Variants in ZBTB20 observed in about 807,000 individuals in gnomAD.
ZBTB20 encodes the protein zinc finger and BTB domain-containing protein 20.
In ZBTB20, 9 loss-of-function variants were observed where a neutral mutation model predicts 56.9. The observed-to-expected ratio is 0.16, with a 90% confidence interval of 0.10 to 0.28. The LOEUF (loss-of-function observed/expected upper bound fraction) is 0.28, where lower values mean the gene tolerates loss of function less well. Among genes scored for constraint, ZBTB20 ranks in the 10% least tolerant of loss-of-function variants. The pLI is 1.00. For synonymous variants in ZBTB20, 417 were observed against 420.7 expected (o/e 0.99, Z 0.11); for missense variants, 655 against 1,003.0 (o/e 0.65, Z 4.69).
chr3:115,054,036 T>A (rs1560530108), intron 2 of ZBTB20, among the ~76,000 whole-genome samples: 1 of 152,094 alleles, frequency 6.6e-6, no homozygotes, highest in Non-Finnish European at 1.5e-5. Flanking sequence ...TAATCCATTG[T>A]CCCCCATTAG....
At chr3:114,820,162 A>G (rs2073157322) in intron 4 of ZBTB20, among the ~76,000 whole-genome samples, 1 of 151,990 alleles carries the variant, frequency 6.6e-6, no homozygotes, top group East Asian at 1.9e-4. Context: ...ATAAAAATTT[A>G]TATATAAAAA....
chr3:114,696,407 A>G (rs1387958448), intron 5 of ZBTB20, among the ~76,000 whole-genome samples: 1 of 151,380 alleles, frequency 6.6e-6, no homozygotes, highest in Non-Finnish European at 1.5e-5. Context: ...TCTTCCACCC[A>G]CCTCCCACCT....
At chr3:115,016,293 T>C (rs531454107) in intron 2 of ZBTB20, among the ~76,000 whole-genome samples, 1 of 152,156 alleles carries the variant, frequency 6.6e-6, no homozygotes, top group Non-Finnish European at 1.5e-5. Context: ...ATAGTTTCTT[T>C]TGCTGAGCAG....
chr3:114,891,357 G>A (rs543965527), intron 4 of ZBTB20, among the ~76,000 whole-genome samples: 31 of 152,290 alleles, frequency 2.0e-4, no homozygotes, highest in African/African-American at 7.5e-4. Flanking sequence ...CACTGAGAGT[G>A]CCTTGTTTTA....
At chr3:114,590,699 T>G (rs1220289442) in intron 6 of ZBTB20, among the ~76,000 whole-genome samples, 1 of 152,094 alleles carries the variant, frequency 6.6e-6, no homozygotes, top group East Asian at 1.9e-4. Flanking sequence ...GTCAAGCACA[T>G]TTGGAAGTCC....
At chr3:114,523,046 T>G (rs996177266) in intron 6 of ZBTB20, among the ~76,000 whole-genome samples, 5 of 152,206 alleles carry the variant, frequency 3.3e-5, no homozygotes, top group African/African-American at 9.6e-5. Flanking sequence ...TCTAGGGCCC[T>G]CTAATGTTTA....
chr3:114,552,499 A>G (rs994119813), intron 6 of ZBTB20, among the ~76,000 whole-genome samples: 3 of 152,132 alleles, frequency 2.0e-5, no homozygotes, highest in African/African-American at 7.2e-5. Flanking sequence ...AAATAATAGA[A>G]AAGTTACAGA....
intron 1 of ZBTB20, chr3:115,102,649 T>G (rs1191665012): frequency 1.3e-5 from 2 of 152,022 alleles, no homozygotes; most frequent in Non-Finnish European, 2.9e-5. Context: ...GAGCTAAATT[T>G]AAAAGGAAAA....
intron 2 of ZBTB20, among the ~76,000 whole-genome samples, chr3:114,994,502 T>G (rs2078948848): frequency 6.6e-6 from 1 of 151,960 alleles, no homozygotes; most frequent in Non-Finnish European, 1.5e-5. Context: ...TAAAAGTATG[T>G]AACAGATCCA....
At chr3:114,808,116 A>G (rs2072251222) in intron 4 of ZBTB20, among the ~76,000 whole-genome samples, 1 of 152,120 alleles carries the variant, frequency 6.6e-6, no homozygotes, top group South Asian at 2.1e-4. Flanking sequence ...CCTAACTATA[A>G]ATTGTATAAA....
chr3:115,030,969 T>C (rs532319537), intron 2 of ZBTB20, among the ~76,000 whole-genome samples: 1 of 151,480 alleles, frequency 6.6e-6, no homozygotes, highest in Non-Finnish European at 1.5e-5. Context: ...AAATTCAATA[T>C]GCACAAATTT....
At chr3:114,518,922 C>A (rs2046334532) in intron 6 of ZBTB20, 1 of 152,178 alleles carries the variant, frequency 6.6e-6, no homozygotes, top group African/African-American at 2.4e-5. Flanking sequence ...CAGGACAGCC[C>A]TGTTCCACAG....
At chr3:114,464,319 CT>C (rs1427295402) in intron 7 of ZBTB20, among the ~76,000 whole-genome samples, 1 of 152,108 alleles carries the variant, frequency 6.6e-6, no homozygotes, top group African/African-American at 2.4e-5. Context: ...GACACTCAAT[CT>C]AATTATAGAA....
chr3:114,884,214 C>T (rs1034027347), intron 4 of ZBTB20, among the ~76,000 whole-genome samples: 1 of 151,944 alleles, frequency 6.6e-6, no homozygotes, highest in Admixed American at 6.6e-5. Context: ...CGTGAGCCAC[C>T]GCGCCCGGCC....
chr3:115,045,795 A>G (rs1466637371), intron 2 of ZBTB20, among the ~76,000 whole-genome samples: 2 of 152,186 alleles, frequency 1.3e-5, no homozygotes, highest in East Asian at 3.8e-4. Flanking sequence ...CTTTCCCTAA[A>G]TTCTAATTCT....
chr3:114,409,099 C>A (rs2733401), intron 7 of ZBTB20, among the ~76,000 whole-genome samples: 2 of 128,312 alleles, frequency 1.6e-5, no homozygotes, highest in African/African-American at 2.9e-5. Flanking sequence ...TTATTCAAAT[C>A]TTCTAAGAGG....
At position 114,493,183 on chromosome 3, in the gene ZBTB20, C is replaced by T. The variant is rs1325002371; in HGVS notation, c.-255+7169G>A. Among the ~76,000 whole-genome samples the T allele has an allele frequency of 2.0e-5, 3 of 152,124 alleles. No individual in the cohort carries two copies. The South Asian group carries it at 6.2e-4, about 31-fold the overall frequency. On this transcript the variant is annotated intron_variant, in intron 7 of 11. Transcript: ENST00000675478. ...CAATGTAATACCCTTGTGATTAAAA[C>T]CAGTTATTGTATGCATCAATAATTT...
chr3:114,869,135 A>G (rs2075888664), intron 4 of ZBTB20, among the ~76,000 whole-genome samples: 1 of 152,106 alleles, frequency 6.6e-6, no homozygotes. Flanking sequence ...CATAAATGTC[A>G]AAAGAAATGA....
intron 10 of ZBTB20, among the ~76,000 whole-genome samples, chr3:114,363,798 T>C (rs2733416): frequency 0.02 from 3,051 of 152,336 alleles, 115 homozygotes; most frequent in African/African-American, 0.068. Context: ...TGTTCTGATT[T>C]GCTGCTCTCA....
Sources: gnomAD v4.1 joint callset for allele counts (sites outside exome capture counted in the v4.1 genomes callset) on GRCh38, gnomAD v4.1.1 for gene constraint, MANE v1.5 for transcripts, NCBI Gene and HGNC (gene_info 2026-07-23, HGNC 2026-07-21) for gene names.